POM121: variants seen among roughly 807,000 people sequenced by gnomAD.
The protein encoded by POM121 is POM121 transmembrane nucleoporin.
Under a neutral mutation model 81.3 loss-of-function variants are expected in POM121, and 32 were observed. The ratio of observed to expected loss-of-function variants is 0.39; its 90% CI spans 0.30 to 0.53. The LOEUF (loss-of-function observed/expected upper bound fraction) is 0.53. Among genes scored for constraint, POM121 ranks in the 20% least tolerant of loss-of-function variants. The pLI is 0.66. For synonymous variants in POM121, 514 were observed against 694.2 expected (o/e 0.74, Z 4.08); for missense variants, 1,138 against 1,614.6 (o/e 0.70, Z 5.06).
chr7:72,880,158 C>G (rs1789993485), intron 1 of POM121, among the ~76,000 whole-genome samples: 1 of 152,206 alleles, frequency 6.6e-6, no homozygotes, highest in Non-Finnish European at 1.5e-5. Context: ...TCCTCCTCCT[C>G]TCTGTGCTCC....
chr7:72,944,615 C>T (rs438006), intron 11 of POM121, among the ~76,000 whole-genome samples: 81 of 151,444 alleles, frequency 5.3e-4, no homozygotes, highest in African/African-American at 1.6e-3. Flanking sequence ...GCCACCCGGC[C>T]ATGGAGACCC....
intron 1 of POM121, among the ~76,000 whole-genome samples, chr7:72,887,231 CCTGTCTTGAT>C (rs1554490193): frequency 1.9e-3 from 291 of 152,098 alleles, no homozygotes; most frequent in African/African-American, 6.7e-3. Flanking sequence ...TTACATCTTG[CCTGTCTTGAT>C]TTTTTTGAAC....
chr7:72,945,328 A>C (rs1216163054), intron 11 of POM121, among the ~76,000 whole-genome samples: 2 of 151,844 alleles, frequency 1.3e-5, no homozygotes, highest in African/African-American at 4.8e-5. Context: ...CAGGAGGCCC[A>C]CGAGGTGGCT....
At chr7:72,888,352 A>C (rs1251225608) in intron 1 of POM121, among the ~76,000 whole-genome samples, 3 of 152,162 alleles carry the variant, frequency 2.0e-5, no homozygotes, top group Non-Finnish European at 2.9e-5. Flanking sequence ...AGTTGACCTT[A>C]ATAATACAAC....
At chr7:72,902,244 T>C (rs1417385377) in intron 3 of POM121, among the ~76,000 whole-genome samples, 3 of 150,860 alleles carry the variant, frequency 2.0e-5, no homozygotes, top group African/African-American at 2.4e-5. Flanking sequence ...TTTATACTTT[T>C]CTTTTTCTTT....
intron 5 of POM121, among the ~76,000 whole-genome samples, 166 bp from the exon 6 acceptor site, chr7:72,938,424 C>G (rs1554499943): frequency 6.6e-6 from 1 of 152,078 alleles, no homozygotes; most frequent in Non-Finnish European, 1.5e-5. Flanking sequence ...TTCCTGGGCT[C>G]AAGCGATCCT....
At chr7:72,896,660 T>TA (rs1201350999) in intron 3 of POM121, among the ~76,000 whole-genome samples, 24 of 144,680 alleles carry the variant, frequency 1.7e-4, no homozygotes, top group Non-Finnish European at 2.8e-4. Context: ...CCTGATTCTG[T>TA]AAAAAAAGAA....
At chr7:72,902,247 TTTTC>T (rs1190869899) in intron 3 of POM121, among the ~76,000 whole-genome samples, 2 of 150,502 alleles carry the variant, frequency 1.3e-5, no homozygotes, top group Non-Finnish European at 3.0e-5. Flanking sequence ...ATACTTTTCT[TTTTC>T]TTTCTTTTTT....
intron 3 of POM121, among the ~76,000 whole-genome samples, chr7:72,927,526 A>G (rs1298432013): frequency 6.6e-6 from 1 of 152,182 alleles, no homozygotes; most frequent in African/African-American, 2.4e-5. Flanking sequence ...CCTGGCCAAC[A>G]TGGTGAAACC....
intron 3 of POM121, among the ~76,000 whole-genome samples, chr7:72,904,098 C>T (rs1792991193): frequency 6.6e-6 from 1 of 152,210 alleles, no homozygotes; most frequent in African/African-American, 2.4e-5. Context: ...GCCACTGCAC[C>T]CGGCCCAGTC....
chr7:72,904,837 C>T, intron 3 of POM121, among the ~76,000 whole-genome samples: 1 of 152,154 alleles, frequency 6.6e-6, no homozygotes, highest in East Asian at 1.9e-4. Context: ...GGAAAGCTAA[C>T]AAGAAGCAAG....
At chr7:72,949,177 C>T (rs879962817), downstream of POM121, 49 of 1,276,530 alleles carry the variant, frequency 3.8e-5, 1 homozygote, top group East Asian at 4.6e-4. Context: ...CTGAAATCCT[C>T]GCTTCACAGA....
chr7:72,931,732 A>C (rs1796043857), intron 5 of POM121, among the ~76,000 whole-genome samples: 1 of 152,034 alleles, frequency 6.6e-6, no homozygotes, highest in Non-Finnish European at 1.5e-5. Context: ...CACCATGCCC[A>C]GCTAATTTTT....
chr7:72,892,001 A>T (rs376176560), intron 3 of POM121, among the ~76,000 whole-genome samples: 1 of 152,040 alleles, frequency 6.6e-6, no homozygotes, highest in African/African-American at 2.4e-5. Context: ...TCTTTCCCCA[A>T]TGCTCATTTA....
In POM121 at chr7:72,930,228, G is replaced by T. The variant is rs1165498976; in HGVS notation, c.1275+117G>T. 7 of 1,353,432 alleles carry T rather than the reference G, an allele frequency of 5.2e-6. No homozygotes were observed. In the African/African-American group the frequency reaches 1.0e-4, roughly 20 times the overall value. The allele number at this position is 1,353,432 out of a possible 1,614,324, so 83.8% of individuals were successfully genotyped here. A position where few individuals can be genotyped will look rare whatever the true frequency, so the allele number is the denominator to read the frequency against. ...CCAGCACTTTGGAAGGCCAAAGCGG[G>T]AGGATTGCTTGAGCCCAGGAGTTCA... On this transcript the variant is annotated intron_variant, in intron 5 of 12. Transcript: ENST00000434423.
upstream of POM121, among the ~76,000 whole-genome samples, chr7:72,923,570 GCGCCAC>G (rs2129577463): frequency 7.0e-6 from 1 of 143,296 alleles, no homozygotes; most frequent in East Asian, 2.1e-4. Context: ...CTACAGGCAG[GCGCCAC>G]CACGCCCGGC....
rs140060630 is a variant in POM121 at position 72,943,240 on chromosome 7, G to A, written c.3247G>A (p.Gly1083Arg). The change falls in exon 11 of 13, where the codon GGG becomes AGG. Residue 1083 changes from glycine to arginine, a missense_variant. Gly to Arg is a moderately radical substitution (Grantham distance 125). Transcript: ENST00000434423. The stretch of plus-strand genomic sequence containing the variant: ...AGCCACCACCCAGACCGCCAGCAGC[G>A]GGAGCAGCAGCTCGGTGTTTGGCAG... ...FGATTQTASSGSSSSVFGSTT... is the reference protein window; with the variant it reads ...FGATTQTASSRSSSSVFGSTT... 1,251 of 1,612,124 alleles carry A rather than the reference G, an allele frequency of 7.8e-4. 6 individuals are homozygous for A. In the African/African-American group the frequency reaches 8.0e-3, roughly 10 times the overall value.
chr7:72,941,665 A>C (rs1264267938), intron 10 of POM121, among the ~76,000 whole-genome samples, 172 bp from the exon 11 acceptor site: 1 of 152,004 alleles, frequency 6.6e-6, no homozygotes, highest in Non-Finnish European at 1.5e-5. Context: ...GTGAGGTAGA[A>C]ATAACACTTC....
chr7:72,899,496 G>A (rs1554492277), intron 3 of POM121, among the ~76,000 whole-genome samples: 2 of 152,036 alleles, frequency 1.3e-5, no homozygotes, highest in Non-Finnish European at 2.9e-5. Flanking sequence ...GTCGGAGACG[G>A]GTGTTCCAGA....
Sources: allele counts gnomAD v4.1 joint callset (sites outside exome capture counted in the v4.1 genomes callset), GRCh38; gene constraint gnomAD v4.1.1; transcripts MANE v1.5; gene names NCBI Gene and HGNC (gene_info 2026-07-23, HGNC 2026-07-21).